SERINC5: variants seen among roughly 807,000 people sequenced by gnomAD.
SERINC5 encodes chromosome 5 open reading frame 12.
In SERINC5, 41 loss-of-function variants were observed where a neutral mutation model predicts 63.1. That is an observed-to-expected ratio of 0.65 (90% CI 0.51 to 0.84). The LOEUF is 0.84. Ranked by LOEUF, SERINC5 falls within the 40% of genes least tolerant of loss-of-function variation. SERINC5 has a pLI of 0.00. For missense variants in SERINC5, 523 were observed against 573.0 expected (o/e 0.91, Z 0.89); for synonymous variants, 222 against 215.2 (o/e 1.03, Z -0.28).
rs758882287 is a variant in SERINC5, at chr5:80,158,879, T to C, written c.943A>G (p.Ile315Val). The C allele has an allele frequency of 1.9e-6, 3 of 1,613,762 alleles. No homozygotes were observed. The highest frequency in any genetic ancestry group is 1.7e-6 in the Non-Finnish European group (2 of 1,179,750). Residue 315 changes from isoleucine (I) to valine (V), a missense_variant, in exon 8 of 12, where the codon ATA (isoleucine) becomes GTA (valine). Physicochemically the swap from Ile to Val is conservative, Grantham distance 29. Transcript: ENST00000507668. ...DLYRDENLVT[I>V]LGTSLLIGCI... ...CCGATTAAGAGGCTGGTCCCCAGTA[T>C]AGTCACCAAGTTTTCATCTCTGTAC... is the stretch of plus-strand genomic sequence containing the variant.
chr5:80,202,958 G>C lies in SERINC5; in HGVS notation c.123C>G (p.Leu41=), dbSNP rs1466410242. Residue 41 remains leucine, a synonymous_variant, in exon 2 of 12, where the codon CTC becomes CTG. Transcript: ENST00000507668. ...QSLSTRFMYA[L]YFILVVVLCC... Reference sequence around the variant, plus strand: ...AGAGGACGACGACCAGAATGAAGTAGAGGGCGTACATGAAGCGGGTGCTGA... The same window carrying C: ...AGAGGACGACGACCAGAATGAAGTACAGGGCGTACATGAAGCGGGTGCTGA... The C allele has an allele frequency of 6.2e-7, 1 of 1,613,840 alleles. No homozygotes were observed. Among genetic ancestry groups the C allele is most frequent in the South Asian group, 1.1e-5 (1 of 91,072 alleles).
rs796466619 is a variant in SERINC5, at chr5:80,222,549, G to GGTGAGTAT, written c.28-19497_28-19496insATACTCAC. ...CAGAAGTTTTGGTGGGTTTTTTGTG[G>GGTGAGTAT]GTGAGTGTGTGAGTGTGTGAGTGTG... On this transcript the variant is annotated intron_variant, in intron 1 of 11. Transcript: ENST00000507668. Among the ~76,000 whole-genome samples the GGTGAGTAT allele has an allele frequency of 4.4e-3, 566 of 128,166 alleles. 1 individual carries two copies. Among genetic ancestry groups the GGTGAGTAT allele is most frequent in the East Asian group, 0.029 (113 of 3,936 alleles). The allele number at this position is 128,166 out of a possible 152,430, so 84.1% of individuals were successfully genotyped here. A position where few individuals can be genotyped will look rare whatever the true frequency, so the allele number is the denominator to read the frequency against.
chr5:80,124,718 C>T (rs917716312), intron 11 of SERINC5, among the ~76,000 whole-genome samples: 5 of 152,260 alleles, frequency 3.3e-5, no homozygotes, highest in Middle Eastern at 3.4e-3. Context: ...TGGACAGGGC[C>T]TGTGCTTATC....
At chr5:80,252,781 A>G (rs1752488490) in intron 1 of SERINC5, among the ~76,000 whole-genome samples, 1 of 152,194 alleles carries the variant, frequency 6.6e-6, no homozygotes, top group South Asian at 2.1e-4. Context: ...CATAGAGGGT[A>G]AGTAACTCAT....
At chr5:80,195,718 A>C in intron 2 of SERINC5, among the ~76,000 whole-genome samples, 1 of 152,250 alleles carries the variant, frequency 6.6e-6, no homozygotes, top group East Asian at 1.9e-4. Context: ...GAACTCTGTC[A>C]ACTCCAAGAA....
At chr5:80,232,959 CTGAGGGAGTTTG>C (rs1198084482) in intron 1 of SERINC5, among the ~76,000 whole-genome samples, 1 of 152,106 alleles carries the variant, frequency 6.6e-6, no homozygotes, top group Non-Finnish European at 1.5e-5. Context: ...TGCCAGGGCT[CTGAGGGAGTTTG>C]GGAGGGAACT....
chr5:80,131,913 G>T (rs1462210132), intron 11 of SERINC5, among the ~76,000 whole-genome samples: 1 of 152,054 alleles, frequency 6.6e-6, no homozygotes, highest in Non-Finnish European at 1.5e-5. Context: ...TCCAGACTGG[G>T]CCTTAGGAAC....
intron 2 of SERINC5, among the ~76,000 whole-genome samples, chr5:80,189,736 G>C (rs1317025700): frequency 6.6e-6 from 1 of 151,978 alleles, no homozygotes; most frequent in African/African-American, 2.4e-5. Flanking sequence ...AATAGAGAAG[G>C]GGTCTTGCTC....
chr5:80,216,553 C>T (rs1379394064), intron 1 of SERINC5, among the ~76,000 whole-genome samples: 1 of 152,152 alleles, frequency 6.6e-6, no homozygotes, highest in Non-Finnish European at 1.5e-5. Context: ...CTGGCACCCA[C>T]TGAGGCAACA....
intron 1 of SERINC5, among the ~76,000 whole-genome samples, chr5:80,217,146 A>T (rs1750703283): frequency 6.6e-6 from 1 of 151,712 alleles, no homozygotes; most frequent in African/African-American, 2.4e-5. Flanking sequence ...TTTTTAATTA[A>T]AATAAGTTTA....
intron 11 of SERINC5, among the ~76,000 whole-genome samples, chr5:80,120,842 T>C (rs1174139110): frequency 1.3e-5 from 2 of 152,156 alleles, no homozygotes; most frequent in African/African-American, 2.4e-5. Flanking sequence ...TGCATTGCTA[T>C]AAAGAAATAC....
chr5:80,118,340 A>G (rs1744412123), intron 11 of SERINC5, among the ~76,000 whole-genome samples: 1 of 152,158 alleles, frequency 6.6e-6, no homozygotes, highest in Admixed American at 6.5e-5. Flanking sequence ...GGAACCATCT[A>G]TCTTAGACTG....
chr5:80,184,783 A>T (rs1054797884), intron 2 of SERINC5, among the ~76,000 whole-genome samples: 1 of 152,188 alleles, frequency 6.6e-6, no homozygotes, highest in Non-Finnish European at 1.5e-5. Flanking sequence ...ATTCCACACC[A>T]CAGGGTGAAA....
Position 80,138,841 on chromosome 5 carries a change from C to T in SERINC5, c.*4822G>A, listed in dbSNP as rs1745333633. On this transcript the variant is annotated 3_prime_UTR_variant, in exon 12 of 12. Coordinates refer to ENST00000507668, the MANE Select transcript of SERINC5 (RefSeq NM_001174072.3). ...GGCAACATCTCTGCAAAACAACTAA[C>T]TTGAGTACTTTAATTATATATGTAT... 1.0e-6 allele frequency: 1 copy of T among 983,130 alleles called. No individual in the cohort carries two copies. The highest frequency in any genetic ancestry group is 1.2e-6 in the Non-Finnish European group (1 of 827,944). 60.9% of individuals were successfully genotyped at this position (983,130 alleles called of 1,614,324 possible).
chr5:80,117,038 C>T (rs1489048278), intron 11 of SERINC5, among the ~76,000 whole-genome samples: 1 of 151,888 alleles, frequency 6.6e-6, no homozygotes, highest in Non-Finnish European at 1.5e-5. Flanking sequence ...GCCATGTTGG[C>T]CAGGCTGGTC....
intron 1 of SERINC5, among the ~76,000 whole-genome samples, chr5:80,249,043 G>A (rs776995778): frequency 7.2e-5 from 11 of 152,070 alleles, no homozygotes; most frequent in East Asian, 1.9e-4. Flanking sequence ...GGCCGGGTAC[G>A]GTGGCTCACG....
chr5:80,166,395 G>A lies in SERINC5; in HGVS notation c.847C>T (p.Pro283Ser). 6.3e-7 allele frequency: 1 copy of A among 1,586,092 alleles called. No individual in the cohort carries two copies. Among genetic ancestry groups the A allele is most frequent in the East Asian group, 2.3e-5 (1 of 43,686 alleles). Residue 283 changes from proline (P) to serine (S), a missense_variant, in exon 7 of 12, where the codon CCT (proline) becomes TCT (serine). Transcript: ENST00000507668. Reference sequence around the variant, plus strand: ...CAGGCTGGCTTACCTACTTCTGCAGGTTTGCTGGACAGAGCTGAGAAGGTG... The same window carrying A: ...CAGGCTGGCTTACCTACTTCTGCAGATTTGCTGGACAGAGCTGAGAAGGTG... ...YLTFSALSSKPAEVVLDEHGK... is the reference protein window; with the variant it reads ...YLTFSALSSKSAEVVLDEHGK...
intron 7 of SERINC5, among the ~76,000 whole-genome samples, chr5:80,159,799 A>G (rs1746770703): frequency 6.6e-6 from 1 of 152,146 alleles, no homozygotes; most frequent in Non-Finnish European, 1.5e-5. Context: ...GCTTCCTGAG[A>G]GCTGGAGGCT....
intron 2 of SERINC5, among the ~76,000 whole-genome samples, chr5:80,193,887 CAT>C (rs1235410427): frequency 6.6e-6 from 1 of 152,144 alleles, no homozygotes; most frequent in East Asian, 1.9e-4. Context: ...CGTTTGGAAA[CAT>C]ATGTCTCCAG....
Sources: gnomAD v4.1 joint callset for allele counts (sites outside exome capture counted in the v4.1 genomes callset) on GRCh38, gnomAD v4.1.1 for gene constraint, MANE v1.5 for transcripts, NCBI Gene and HGNC (gene_info 2026-07-23, HGNC 2026-07-21) for gene names.